BCAT2: variants seen among roughly 807,000 people sequenced by gnomAD.
The protein encoded by BCAT2 is branched-chain-amino-acid aminotransferase, mitochondrial.
In BCAT2, 44 loss-of-function variants were observed where a neutral mutation model predicts 52.9. The ratio of observed to expected loss-of-function variants is 0.83; its 90% confidence interval spans 0.65 to 1.07. The LOEUF is 1.07. BCAT2 is among the 50% of genes least tolerant of loss of function. The pLI, the probability that BCAT2 is intolerant of heterozygous loss-of-function variation, is 0.00. For missense variants in BCAT2, 478 were observed against 521.8 expected (o/e 0.92, Z 0.82); for synonymous variants, 215 against 217.1 (o/e 0.99, Z 0.08).
At position 48,797,190 on chromosome 19, in the gene BCAT2, C is replaced by T. The variant is rs746975037; in HGVS notation, c.838+1G>A. 1 of 1,613,640 alleles carries T rather than the reference C, an allele frequency of 6.2e-7. No individual in the cohort carries two copies. Among genetic ancestry groups the T allele is most frequent in the Admixed American group, 1.7e-5 (1 of 59,944 alleles). ...TCGGGCTGGGTCATGGGTGGGCTTACCCCCATCTTCGTGGGTCCAGTAGAC... is the reference window on the plus strand; with the variant it reads ...TCGGGCTGGGTCATGGGTGGGCTTATCCCCATCTTCGTGGGTCCAGTAGAC... On this transcript the variant is annotated splice_donor_variant, in intron 7 of 10. Transcript: ENST00000316273. LOFTEE classifies it high-confidence loss of function.
rs2034785368 is a variant in BCAT2, at chr19:48,806,560, A to C, written c.257T>G (p.Leu86Arg). ...GQPRIQPFQN[L>R]TLHPASSSLH... ...GCTGGAGGAGGCTGGGTGCAGCGTG[A>C]GGTTCTGGAAGGGCTGGATTCGGGG... The change falls in exon 3 of 11, where the codon CTC (leucine) becomes CGC (arginine). Residue 86 changes from leucine to arginine, a missense_variant. By Grantham distance (102) the Leu-to-Arg change is moderately radical (BLOSUM62 -2). Transcript: ENST00000316273. 1 of 1,614,066 alleles carries C rather than the reference A, an allele frequency of 6.2e-7. No individual in the cohort carries two copies. The highest frequency in any genetic ancestry group is 1.3e-5 in the African/African-American group (1 of 75,032).
At chr19:48,797,127 C>A in intron 7 of BCAT2, 64 bp downstream of exon 7, 1 of 1,607,722 alleles carries the variant, frequency 6.2e-7, no homozygotes. Flanking sequence ...GGCCTGTAAC[C>A]TGCCAGGAAT....
chr19:48,799,444 A>G lies in BCAT2; in HGVS notation c.695+231T>C, dbSNP rs996632592. On this transcript the variant is annotated intron_variant, in intron 6 of 10. Coordinates refer to ENST00000316273, the MANE Select transcript of BCAT2 (RefSeq NM_001190.4). The surrounding 1 kb of genome is among the most constrained non-coding windows in gnomAD (Gnocchi z 5.5). ...TGGTTTCCCCACTGACCTCCACCCA[A>G]TGCCTTCCCATCTGTGAGCCTTTTT... 20 of 554,148 alleles carry G rather than the reference A, an allele frequency of 3.6e-5. No homozygotes were observed. The highest frequency in any genetic ancestry group is 4.7e-4 in the Middle Eastern group (1 of 2,116). 34.3% of individuals were successfully genotyped at this position (554,148 alleles called of 1,614,324 possible).
At chr19:48,810,789 G>A in intron 1 of BCAT2, 195 bp downstream of exon 1, 1 of 1,199,970 alleles carries the variant, frequency 8.3e-7, no homozygotes, top group South Asian at 2.1e-5. Flanking sequence ...CCTCATCCGC[G>A]TCTACCTGCT....
chr19:48,800,189 G>T lies in BCAT2; in HGVS notation c.409C>A (p.Pro137Thr). 2 of 1,613,284 alleles carry T rather than the reference G, an allele frequency of 1.2e-6. No homozygotes were observed. Among genetic ancestry groups the T allele is most frequent in the Non-Finnish European group, 1.7e-6 (2 of 1,179,778 alleles). ...MLRSAMRLCL[P>T]SFDKLELLEC... ...CCCGGTGGACCGGGACCCCTCACCG[G>T]CAGGCACAGGCGCATGGCTGAGCGC... The change falls in exon 4 of 11, where the codon CCG becomes ACG. Residue 137 changes from proline to threonine, a missense_variant and splice_region_variant. Transcript: ENST00000316273.
At chr19:48,795,674 C>G (rs2034493910) in intron 10 of BCAT2, among the ~76,000 whole-genome samples, 7 of 152,110 alleles carry the variant, frequency 4.6e-5, no homozygotes, top group Non-Finnish European at 7.4e-5. Context: ...GTTCTGAAGA[C>G]AGGAATTATG....
At chr19:48,801,598 T>A (rs1475701040) in intron 3 of BCAT2, among the ~76,000 whole-genome samples, 1 of 152,022 alleles carries the variant, frequency 6.6e-6, no homozygotes, top group East Asian at 1.9e-4. Flanking sequence ...ATAAAAGCTA[T>A]AGAAGGAAAC....
In BCAT2 at chr19:48,799,084, G is replaced by A. The variant is rs1027230677; in HGVS notation, c.695+591C>T. 2 of 152,344 alleles carry A rather than the reference G, an allele frequency of 1.3e-5. No individual in the cohort carries two copies. The highest frequency in any genetic ancestry group is 4.8e-5 in the African/African-American group (2 of 41,436). The allele number at this position is 152,344 out of a possible 1,614,324, so 9.4% of individuals were successfully genotyped here. ...CCCAGCTTCTGCCAGCACAGGGCCT[G>A]GCCCTCAGGAGACCTCACAGGATGT... is the stretch of plus-strand genomic sequence containing the variant. On this transcript the variant is annotated intron_variant, in intron 6 of 10. Coordinates refer to ENST00000316273, the MANE Select transcript of BCAT2 (RefSeq NM_001190.4). The surrounding 1 kb of genome is among the most constrained non-coding windows in gnomAD (Gnocchi z 5.5).
intron 3 of BCAT2, among the ~76,000 whole-genome samples, chr19:48,804,704 T>C (rs955560090): frequency 6.6e-6 from 1 of 152,166 alleles, no homozygotes; most frequent in Non-Finnish European, 1.5e-5. Context: ...CAGTGCGTTC[T>C]GTCTGCCAGG....
Position 48,796,640 on chromosome 19 carries a change from CTTCCCGCACGCGGCCCTCCTCCAG to C in BCAT2, c.979_1002del (p.Leu327_Glu334del). ...TGGCAAGCGGTGCCCGAGCCAAAGACTTCCCGCACGCGGCCCTCCTCCAGGGCCCGCAGCAACTGCTTCATGGTG... is the reference window on the plus strand; with the variant it reads ...TGGCAAGCGGTGCCCGAGCCAAAGACGGCCCGCAGCAACTGCTTCATGGTG... On this transcript the variant is annotated inframe_deletion, in exon 9 of 11. Coordinates refer to ENST00000316273, the MANE Select transcript of BCAT2 (RefSeq NM_001190.4). 3 of 1,613,766 alleles carry C rather than the reference CTTCCCGCACGCGGCCCTCCTCCAG, an allele frequency of 1.9e-6. No homozygotes were observed. Among genetic ancestry groups the C allele is most frequent in the Non-Finnish European group, 2.5e-6 (3 of 1,180,026 alleles).
chr19:48,796,683 C>G lies in BCAT2; in HGVS notation c.960G>C (p.Met320Ile). The G allele has an allele frequency of 6.2e-7, 1 of 1,613,464 alleles. No individual in the cohort carries two copies. The highest frequency in any genetic ancestry group is 8.5e-7 in the Non-Finnish European group (1 of 1,180,014). The change falls in exon 9 of 11, where the codon ATG (methionine) becomes ATC (isoleucine). Residue 320 changes from methionine (M) to isoleucine (I), a missense_variant. Met to Ile is a conservative substitution (Grantham distance 10, BLOSUM62 1). Coordinates refer to ENST00000316273, the MANE Select transcript of BCAT2 (RefSeq NM_001190.4). ...CCTCCAGGGCCCGCAGCAACTGCTTCATGGTGATCGTGCGCTCCACCACCC... is the reference window on the plus strand; with the variant it reads ...CCTCCAGGGCCCGCAGCAACTGCTTGATGGTGATCGTGCGCTCCACCACCC... ...EFRVVERTIT[M>I]KQLLRALEEG...
chr19:48,803,359 A>T (rs1290242710), intron 3 of BCAT2, among the ~76,000 whole-genome samples: 1 of 151,824 alleles, frequency 6.6e-6, no homozygotes, highest in Non-Finnish European at 1.5e-5. Context: ...TCCCTAAAAA[A>T]AAATAAAATA....
chr19:48,802,364 A>G (rs1232852443), intron 3 of BCAT2, among the ~76,000 whole-genome samples: 1 of 151,316 alleles, frequency 6.6e-6, no homozygotes, highest in Non-Finnish European at 1.5e-5. Context: ...CCTTTGACCT[A>G]CAGTTCCCGA....
chr19:48,808,712 G>C (rs1305560134), intron 1 of BCAT2, among the ~76,000 whole-genome samples: 2 of 152,046 alleles, frequency 1.3e-5, no homozygotes, highest in Non-Finnish European at 1.5e-5. Context: ...CCGAGATGGT[G>C]CCACTGCACT....
intron 3 of BCAT2, among the ~76,000 whole-genome samples, chr19:48,802,850 A>G (rs1488208658): frequency 6.6e-6 from 1 of 152,208 alleles, no homozygotes; most frequent in Admixed American, 6.5e-5. Flanking sequence ...AGGATGATAC[A>G]GCATGAGGCT....
rs946494268 is a variant in BCAT2 at position 48,795,356 on chromosome 19, T to C, written c.*70A>G. Reference sequence around the variant, plus strand: ...TTCGTATTGCACTTCAGGTGAGTCATTGGTAGGGAGGCGAGTGCTGGCGTG... The same window carrying C: ...TTCGTATTGCACTTCAGGTGAGTCACTGGTAGGGAGGCGAGTGCTGGCGTG... On this transcript the variant is annotated 3_prime_UTR_variant, in exon 11 of 11. Transcript: ENST00000316273. The C allele has an allele frequency of 6.2e-5, 99 of 1,596,234 alleles. No homozygotes were observed. The highest frequency in any genetic ancestry group is 7.7e-5 in the Non-Finnish European group (90 of 1,165,738).
chr19:48,810,724 C>A, intron 1 of BCAT2: 1 of 1,123,216 alleles, frequency 8.9e-7, no homozygotes, highest in Non-Finnish European at 1.2e-6. Context: ...CAGGGTCCTC[C>A]ACCATGTTTC....
intron 1 of BCAT2, chr19:48,810,762 G>A (rs1034548684): frequency 7.0e-6 from 3 of 430,178 alleles, no homozygotes; most frequent in Non-Finnish European, 5.6e-6. Flanking sequence ...TTACCTCCCC[G>A]CCAATTACTT....
chr19:48,810,015 G>A (rs1370128925), intron 1 of BCAT2, among the ~76,000 whole-genome samples: 1 of 152,072 alleles, frequency 6.6e-6, no homozygotes, highest in African/African-American at 2.4e-5. Context: ...CACCAGAACT[G>A]TGCCATGATG....
Sources: gnomAD v4.1 joint callset for allele counts (sites outside exome capture counted in the v4.1 genomes callset) on GRCh38, gnomAD v4.1.1 for gene constraint, Gnocchi (gnomAD v3.1) non-coding constraint, MANE v1.5 for transcripts, NCBI Gene and HGNC (gene_info 2026-07-23, HGNC 2026-07-21) for gene names.